PROS1: variants seen among roughly 807,000 people sequenced by gnomAD.
The protein encoded by PROS1 is vitamin K-dependent protein S.
A neutral mutation model predicts 75.9 loss-of-function variants in PROS1; 29 were observed. The observed-to-expected ratio is 0.38, with a 90% confidence interval of 0.28 to 0.52. The LOEUF (loss-of-function observed/expected upper bound fraction) is 0.52. Among genes scored for constraint, PROS1 ranks in the 20% least tolerant of loss-of-function variants. The pLI is 0.83. For missense variants in PROS1, 680 were observed against 810.3 expected, an observed-to-expected ratio of 0.84 and a Z score of 1.95; for synonymous variants, 245 against 280.6, an observed-to-expected ratio of 0.87 and a Z score of 1.27.
chr3:93,892,328 CAA>C (rs568839992), intron 10 of PROS1, among the ~76,000 whole-genome samples: 1 of 135,552 alleles, frequency 7.4e-6, no homozygotes, highest in African/African-American at 2.7e-5. Flanking sequence ...GAGACTGTCT[CAA>C]AAAAAAAAAA....
chr3:93,958,039 G>C (rs1709636738), intron 1 of PROS1, among the ~76,000 whole-genome samples: 1 of 151,908 alleles, frequency 6.6e-6, no homozygotes, highest in Admixed American at 6.6e-5. Flanking sequence ...AGTGAGCCGA[G>C]ATCATGCCAC....
At chr3:93,913,653 T>C (rs1159618545) in intron 3 of PROS1, among the ~76,000 whole-genome samples, 1 of 152,224 alleles carries the variant, frequency 6.6e-6, no homozygotes, top group African/African-American at 2.4e-5. Flanking sequence ...TGCTGAACTA[T>C]AAGTCAATTA....
intron 3 of PROS1, among the ~76,000 whole-genome samples, chr3:93,916,894 T>C (rs755183972): frequency 1.8e-4 from 27 of 152,258 alleles, no homozygotes; most frequent in Admixed American, 7.8e-4. Flanking sequence ...CTATCCTAGC[T>C]ATCTTGATTT....
intron 4 of PROS1, among the ~76,000 whole-genome samples, chr3:93,908,667 A>T (rs1262409042): frequency 6.6e-6 from 1 of 152,230 alleles, no homozygotes. Flanking sequence ...CAGACCTAAA[A>T]TATTTCACAG....
chr3:93,956,494 C>G (rs1316141487), intron 1 of PROS1, among the ~76,000 whole-genome samples: 3 of 150,820 alleles, frequency 2.0e-5, no homozygotes, highest in Non-Finnish European at 4.4e-5. Context: ...GATTCTCTCT[C>G]TGTCTCTCTC....
Position 93,884,870 on chromosome 3 carries a change from T to C in PROS1, c.1350A>G (p.Ile450Met), listed in dbSNP as rs1230094431. Residue 450 changes from isoleucine to methionine, a missense_variant, in exon 12 of 15, where the codon ATA becomes ATG. Transcript: ENST00000394236. ...CTTGCTTCATCAAATTCCAGCTTCG[T>C]ATACATCCATCTAGACGAGGGTTAA... ...KPINPRLDGC[I>M]RSWNLMKQGA... The C allele has an allele frequency of 1.2e-6, 2 of 1,613,400 alleles. No homozygotes were observed. Among genetic ancestry groups the C allele is most frequent in the East Asian group, 2.2e-5 (1 of 44,816 alleles).
At chr3:93,903,766 G>A (rs887920829) in intron 6 of PROS1, among the ~76,000 whole-genome samples, 2 of 152,072 alleles carry the variant, frequency 1.3e-5, no homozygotes, top group African/African-American at 4.8e-5. Context: ...AATGCATATG[G>A]TATCCAGCAT....
At chr3:93,907,867 T>C (rs540668064) in intron 4 of PROS1, among the ~76,000 whole-genome samples, 1 of 152,198 alleles carries the variant, frequency 6.6e-6, no homozygotes, top group South Asian at 2.1e-4. Flanking sequence ...TTCTCAACAT[T>C]AAGAGAAAAA....
intron 1 of PROS1, among the ~76,000 whole-genome samples, chr3:93,948,507 G>A (rs928525747): frequency 6.6e-6 from 1 of 152,118 alleles, no homozygotes; most frequent in African/African-American, 2.4e-5. Context: ...TGACAATGGG[G>A]TGTTAAAGTC....
At chr3:93,941,833 C>T (rs1172931426) in intron 1 of PROS1, among the ~76,000 whole-genome samples, 1 of 152,176 alleles carries the variant, frequency 6.6e-6, no homozygotes, top group Non-Finnish European at 1.5e-5. Context: ...ATTCTCAACA[C>T]ACTCTCTACA....
chr3:93,893,521 T>A (rs1361879161), intron 9 of PROS1, among the ~76,000 whole-genome samples: 2 of 152,002 alleles, frequency 1.3e-5, no homozygotes, highest in African/African-American at 4.8e-5. Flanking sequence ...GAAGTGGTAG[T>A]TTTTTTTGTT....
chr3:93,971,245 G>C (rs2107275066), intron 1 of PROS1, among the ~76,000 whole-genome samples: 2 of 151,846 alleles, frequency 1.3e-5, no homozygotes, highest in South Asian at 4.2e-4. Context: ...CTACTTGGGA[G>C]GCTGAGGTGG....
chr3:93,950,518 G>A (rs375010164), intron 1 of PROS1, among the ~76,000 whole-genome samples: 23 of 152,282 alleles, frequency 1.5e-4, no homozygotes, highest in Admixed American at 9.8e-4. Flanking sequence ...GACATTTGCC[G>A]TTCTGCAATA....
intron 1 of PROS1, among the ~76,000 whole-genome samples, chr3:93,932,429 T>A (rs1358949566): frequency 6.6e-6 from 1 of 152,224 alleles, no homozygotes; most frequent in Non-Finnish European, 1.5e-5. Flanking sequence ...AAGAAAGTCC[T>A]TGTTAAAACC....
chr3:93,877,371 T>A (rs989239042), intron 13 of PROS1, among the ~76,000 whole-genome samples, 180 bp from the exon 14 acceptor site: 5 of 152,178 alleles, frequency 3.3e-5, no homozygotes, highest in Admixed American at 3.3e-4. Context: ...ATAATAATTA[T>A]GACTAAAATT....
intron 4 of PROS1, among the ~76,000 whole-genome samples, chr3:93,908,315 A>G (rs900341054): frequency 2.0e-5 from 3 of 152,190 alleles, no homozygotes; most frequent in Non-Finnish European, 4.4e-5. Context: ...AAAATAAACA[A>G]GCTGAGACCT....
At chr3:93,936,418 G>C (rs1369249647) in intron 1 of PROS1, among the ~76,000 whole-genome samples, 1 of 151,808 alleles carries the variant, frequency 6.6e-6, no homozygotes, top group Non-Finnish European at 1.5e-5. Flanking sequence ...ATAGAAAGTT[G>C]AAATTATATA....
chr3:93,946,197 G>A (rs946007703), intron 1 of PROS1, among the ~76,000 whole-genome samples: 69 of 152,148 alleles, frequency 4.5e-4, no homozygotes, highest in Non-Finnish European at 7.3e-4. Context: ...TCATGGGTAG[G>A]AAGAATCAAT....
At chr3:93,919,046 G>A (rs1708905205) in intron 3 of PROS1, among the ~76,000 whole-genome samples, 1 of 152,068 alleles carries the variant, frequency 6.6e-6, no homozygotes, top group Non-Finnish European at 1.5e-5. Flanking sequence ...TTACACCACA[G>A]TATGCAACCA....
Sources: allele counts gnomAD v4.1 joint callset (sites outside exome capture counted in the v4.1 genomes callset), GRCh38; gene constraint gnomAD v4.1.1; transcripts MANE v1.5; gene names NCBI Gene and HGNC (gene_info 2026-07-23, HGNC 2026-07-21).